QRSL1: variants seen among roughly 807,000 people sequenced by gnomAD.
The protein encoded by QRSL1 is glutamyl-tRNA(Gln) amidotransferase subunit A, mitochondrial.
QRSL1 carries 54 observed loss-of-function variants against 61.6 expected under a neutral mutation model. The ratio of observed to expected loss-of-function variants is 0.88; its 90% CI spans 0.70 to 1.10. The LOEUF is 1.10. Ranked by LOEUF, QRSL1 falls within the 50% of genes least tolerant of loss-of-function variation. The probability of loss-of-function intolerance (pLI) is 0.00; values close to 1 mark genes in which losing one functional copy is unlikely to be tolerated. For missense variants in QRSL1, 505 were observed against 622.6 expected, an observed-to-expected ratio of 0.81 and a Z score of 2.01; for synonymous variants, 228 against 225.7, an observed-to-expected ratio of 1.01 and a Z score of -0.09.
intron 4 of QRSL1, among the ~76,000 whole-genome samples, chr6:106,646,823 T>C (rs1201565783): frequency 6.6e-6 from 1 of 151,720 alleles, no homozygotes; most frequent in Non-Finnish European, 1.5e-5. Context: ...GGTCAGGAGA[T>C]TGAGACCATC....
chr6:106,662,093 A>G (rs1468930716), intron 9 of QRSL1, among the ~76,000 whole-genome samples: 1 of 152,116 alleles, frequency 6.6e-6, no homozygotes, highest in Non-Finnish European at 1.5e-5. Context: ...TCATTGATTT[A>G]TGGTTACTCC....
At chr6:106,647,264 G>A (rs868710790) in intron 4 of QRSL1, among the ~76,000 whole-genome samples, 2 of 151,928 alleles carry the variant, frequency 1.3e-5, no homozygotes, top group Non-Finnish European at 2.9e-5. Context: ...TTAAGAAGAC[G>A]TTTCATCAGA....
chr6:106,630,326 C>T (rs1208043557), intron 1 of QRSL1, among the ~76,000 whole-genome samples: 1 of 152,126 alleles, frequency 6.6e-6, no homozygotes, highest in Non-Finnish European at 1.5e-5. Context: ...ACAGGACTTA[C>T]CTCTCAACCC....
rs557244298 is a variant in QRSL1, at chr6:106,661,797, C to T, written c.1161-1183C>T. 8.0e-5 allele frequency among the ~76,000 whole-genome samples: 12 copies of T among 150,138 alleles called. 1 individual carries two copies. The South Asian group carries it at 1.5e-3, about 19-fold the overall frequency. On this transcript the variant is annotated intron_variant, in intron 9 of 10. Coordinates refer to ENST00000369046, the MANE Select transcript of QRSL1 (RefSeq NM_018292.5). ...AGCGATCCCAGCTCACTACAACCTCCGCCTCCCAGGTTCAAGCAATGCTCC... is the reference window on the plus strand; with the variant it reads ...AGCGATCCCAGCTCACTACAACCTCTGCCTCCCAGGTTCAAGCAATGCTCC...
Position 106,668,002 on chromosome 6 carries a change from C to T in QRSL1, c.*2000C>T, listed in dbSNP as rs1276068105. 1 of 151,976 alleles carries T rather than the reference C, an allele frequency of 6.6e-6. No homozygotes were observed. The highest frequency in any genetic ancestry group is 1.5e-5 in the Non-Finnish European group (1 of 68,010). 9.4% of individuals were successfully genotyped at this position (151,976 alleles called of 1,614,324 possible). On this transcript the variant is annotated 3_prime_UTR_variant, in exon 11 of 11. Transcript: ENST00000369046. ...AGAGATGGGCTCTCCCTGTGTTGCCCAGGCTAGTCTCAAACTCCTGGGCTC... is the reference window on the plus strand; with the variant it reads ...AGAGATGGGCTCTCCCTGTGTTGCCTAGGCTAGTCTCAAACTCCTGGGCTC...
At chr6:106,642,608 C>G (rs1777039184) in intron 3 of QRSL1, 1 of 760,012 alleles carries the variant, frequency 1.3e-6, no homozygotes, top group South Asian at 1.4e-5. Flanking sequence ...AAAAGGAATG[C>G]CCCACAAGTG....
intron 1 of QRSL1, among the ~76,000 whole-genome samples, chr6:106,636,318 CTTTTTTTTTTTT>C (rs869032477): frequency 7.6e-6 from 1 of 131,812 alleles, no homozygotes; most frequent in African/African-American, 2.8e-5. Flanking sequence ...AGCTCTGCTA[CTTTTTTTTTTTT>C]TTTTTTTTTA....
intron 7 of QRSL1, among the ~76,000 whole-genome samples, chr6:106,654,445 T>A: frequency 6.8e-6 from 1 of 146,142 alleles, no homozygotes; most frequent in South Asian, 2.2e-4. Context: ...AGGTTCCTGA[T>A]ACATAATGAG....
intron 3 of QRSL1, among the ~76,000 whole-genome samples, 194 bp downstream of exon 3, chr6:106,641,115 G>A (rs1777012487): frequency 6.6e-6 from 1 of 152,152 alleles, no homozygotes; most frequent in African/African-American, 2.4e-5. Flanking sequence ...CCAGCTTAAT[G>A]AATGCTATCT....
At chr6:106,659,026 T>C (rs558364913) in intron 9 of QRSL1, among the ~76,000 whole-genome samples, 7 of 152,190 alleles carry the variant, frequency 4.6e-5, no homozygotes, top group Non-Finnish European at 1.0e-4. Context: ...GTTTTCAGAA[T>C]CACTGATCTT....
chr6:106,639,681 C>T (rs1040926246), intron 1 of QRSL1, among the ~76,000 whole-genome samples: 1 of 152,122 alleles, frequency 6.6e-6, no homozygotes, highest in African/African-American at 2.4e-5. Context: ...ACTCATCACT[C>T]CATCTTAGGC....
chr6:106,630,629 T>C (rs1201715736), intron 1 of QRSL1, among the ~76,000 whole-genome samples: 1 of 152,208 alleles, frequency 6.6e-6, no homozygotes, highest in Non-Finnish European at 1.5e-5. Flanking sequence ...ACTAAAACTA[T>C]GCCCCACTCT....
intron 1 of QRSL1, among the ~76,000 whole-genome samples, chr6:106,634,545 TTGTC>T (rs1188934989): frequency 1.3e-5 from 2 of 152,228 alleles, no homozygotes; most frequent in African/African-American, 2.4e-5. Flanking sequence ...GGCAGGCTGA[TTGTC>T]TGAGCTCAGG....
intron 5 of QRSL1, among the ~76,000 whole-genome samples, chr6:106,651,354 CTT>C (rs1777185419): frequency 6.6e-6 from 1 of 152,038 alleles, no homozygotes; most frequent in African/African-American, 2.4e-5. Flanking sequence ...TTAATAAAAA[CTT>C]TTTGGTTATC....
At chr6:106,652,131 T>C (rs1777195185) in intron 5 of QRSL1, 78 bp from the exon 6 acceptor site, 3 of 1,352,340 alleles carry the variant, frequency 2.2e-6, no homozygotes, top group African/African-American at 3.0e-5. Context: ...AGTTTAAAAA[T>C]ATACAATTGA....
Position 106,640,903 on chromosome 6 carries a change from G to A in QRSL1, c.265G>A (p.Ala89Thr). The change falls in exon 3 of 11, where the codon GCA becomes ACA. Residue 89 changes from alanine to threonine, a missense_variant. Coordinates refer to ENST00000369046, the MANE Select transcript of QRSL1 (RefSeq NM_018292.5). ...CACTTCTGGCATTGAGACAACATGT[G>A]CATCAAATATGCTGAAAGGTAAAGT... Reference protein sequence around the residue: ...FSTSGIETTCASNMLKGYIPP... With the variant: ...FSTSGIETTCTSNMLKGYIPP... The A allele has an allele frequency of 6.2e-7, 1 of 1,612,886 alleles. No homozygotes were observed. Among genetic ancestry groups the A allele is most frequent in the Non-Finnish European group, 8.5e-7 (1 of 1,179,206 alleles).
chr6:106,658,090 A>G (rs772667089), intron 9 of QRSL1, among the ~76,000 whole-genome samples: 1 of 151,840 alleles, frequency 6.6e-6, no homozygotes, highest in Non-Finnish European at 1.5e-5. Flanking sequence ...TGTTTGTCCC[A>G]TCTGTTCTTT....
chr6:106,659,168 T>C (rs1023852283), intron 9 of QRSL1, among the ~76,000 whole-genome samples: 6 of 152,152 alleles, frequency 3.9e-5, no homozygotes, highest in African/African-American at 1.4e-4. Context: ...TTCTTGAACA[T>C]ATAGAACATA....
Position 106,666,229 on chromosome 6 carries a change from T to G in QRSL1, c.*227T>G, listed in dbSNP as rs1023539071. 1 of 490,534 alleles carries G rather than the reference T, an allele frequency of 2.0e-6. No homozygotes were observed. The highest frequency in any genetic ancestry group is 2.0e-5 in the African/African-American group (1 of 51,216). The allele number at this position is 490,534 out of a possible 1,614,324, so 30.4% of individuals were successfully genotyped here. A position where few individuals can be genotyped will look rare whatever the true frequency, so the allele number is the denominator to read the frequency against. ...CAGGAGGCTGAGGCAGGAGAATCACTTGAACCCTGGAGGTGGAGGTTGCAG... is the reference window on the plus strand; with the variant it reads ...CAGGAGGCTGAGGCAGGAGAATCACGTGAACCCTGGAGGTGGAGGTTGCAG... On this transcript the variant is annotated 3_prime_UTR_variant, in exon 11 of 11. Coordinates refer to ENST00000369046, the MANE Select transcript of QRSL1 (RefSeq NM_018292.5).
Sources: gnomAD v4.1 joint callset for allele counts (sites outside exome capture counted in the v4.1 genomes callset) on GRCh38, gnomAD v4.1.1 for gene constraint, MANE v1.5 for transcripts, NCBI Gene and HGNC (gene_info 2026-07-23, HGNC 2026-07-21) for gene names.